PEG3: variants seen among roughly 807,000 people sequenced by gnomAD.
PEG3 encodes the protein paternally expressed 3.
A neutral mutation model predicts 35.5 loss-of-function variants in PEG3; 23 were observed. That is an observed-to-expected ratio of 0.65 (90% CI 0.47 to 0.92). The LOEUF is 0.92. Among genes scored for constraint, PEG3 ranks in the 40% least tolerant of loss-of-function variants. The pLI is 0.00. For missense variants in PEG3, 1,960 were observed against 1,985.3 expected (o/e 0.99, Z 0.24); for synonymous variants, 707 against 697.0 (o/e 1.01, Z -0.23).
intron 1 of PEG3, among the ~76,000 whole-genome samples, chr19:56,840,243 C>T: frequency 6.6e-6 from 1 of 152,206 alleles, no homozygotes; most frequent in East Asian, 1.9e-4. Flanking sequence ...CCCCGGTTTG[C>T]TGCGGTGGCC....
At chr19:56,838,596 G>T (rs1447378173) in intron 1 of PEG3, among the ~76,000 whole-genome samples, 1 of 152,176 alleles carries the variant, frequency 6.6e-6, no homozygotes. Flanking sequence ...CAGGGGAAGG[G>T]GTGAGCCTCT....
At chr19:56,825,715 T>A (rs1320249142) in intron 3 of PEG3, among the ~76,000 whole-genome samples, 1 of 152,168 alleles carries the variant, frequency 6.6e-6, no homozygotes, top group Non-Finnish European at 1.5e-5. Flanking sequence ...TCTGGGAGCA[T>A]AAACTACCTA....
chr19:56,814,308 G>A lies in PEG3; in HGVS notation c.4134C>T (p.Val1378=). ...TCCTCAGAACTACTTGTGGAACATG[G>A]ACATTGGCTTCAACTTCCTGGGCTG... ...AAAAQEVEAN[V]HVPQVVLRIQ... Residue 1378 remains valine (V), a synonymous_variant, in exon 10 of 10, where the codon GTC becomes GTT. Coordinates refer to ENST00000326441, the MANE Select transcript of PEG3 (RefSeq NM_006210.3). This position sits in a 1 kb window ranked among gnomAD's most constrained non-coding sequence, Gnocchi z 5.8. 6.2e-7 allele frequency: 1 copy of A among 1,614,076 alleles called. No homozygotes were observed. The highest frequency in any genetic ancestry group is 8.5e-7 in the Non-Finnish European group (1 of 1,180,036).
At chr19:56,833,288 ACCT>A (rs1430727665) in intron 2 of PEG3, 1 of 426,694 alleles carries the variant, frequency 2.3e-6, no homozygotes, top group Non-Finnish European at 4.7e-6. Flanking sequence ...CGTTCTACCT[ACCT>A]CATTAAAAGG....
At chr19:56,823,295 A>T (rs1348971755) in intron 5 of PEG3, among the ~76,000 whole-genome samples, 1 of 152,252 alleles carries the variant, frequency 6.6e-6, no homozygotes, top group Non-Finnish European at 1.5e-5. Context: ...AGCATCTTTA[A>T]TGAACCTTCC....
At position 56,814,442 on chromosome 19, in the gene PEG3, A is replaced by C. The variant is rs937324833; in HGVS notation, c.4000T>G (p.Cys1334Gly). The C allele has an allele frequency of 6.2e-7, 1 of 1,613,902 alleles. No homozygotes were observed. Among genetic ancestry groups the C allele is most frequent in the Admixed American group, 1.7e-5 (1 of 60,028 alleles). Reference sequence around the variant, plus strand: ...ATAAAGGACTTACCACAATCCTTGCATTCATAGAATGGTATAGCTCCTTTG... The same window carrying C: ...ATAAAGGACTTACCACAATCCTTGCCTTCATAGAATGGTATAGCTCCTTTG... ...PLKGAIPFYE[C>G]KDCGKSFIHS... The change falls in exon 10 of 10, where the codon TGC (cysteine) becomes GGC (glycine). Residue 1334 changes from cysteine (C) to glycine (G), a missense_variant. Cys to Gly is a radical substitution (Grantham distance 159, BLOSUM62 -3). Around this residue, in one of 5 missense-constraint regions of PEG3, gnomAD observed 416 missense variants for 416.7 expected, o/e 1.00. Coordinates refer to ENST00000326441, the MANE Select transcript of PEG3 (RefSeq NM_006210.3). The surrounding 1 kb of genome is among the most constrained non-coding windows in gnomAD (Gnocchi z 5.8).
intron 7 of PEG3, among the ~76,000 whole-genome samples, chr19:56,820,520 C>A (rs2060379127): frequency 6.6e-6 from 1 of 152,206 alleles, no homozygotes; most frequent in South Asian, 2.1e-4. Flanking sequence ...TATATCCCAG[C>A]CACCTGGCCC....
At position 56,816,095 on chromosome 19, in the gene PEG3, C is replaced by T; in HGVS notation, c.2347G>A (p.Ala783Thr). ...TGACTTTTCTGAGCTTCCACAGAGG[C>T]TAAGCTATGAATAACAGACCTCTCA... Reference protein sequence around the residue: ...SYERSVIHSLASVEAQKSHSV... With the variant: ...SYERSVIHSLTSVEAQKSHSV... Residue 783 changes from alanine to threonine, a missense_variant, in exon 10 of 10, where the codon GCC becomes ACC. Physicochemically the swap from Ala to Thr is moderately conservative, Grantham distance 58. Coordinates refer to ENST00000326441, the MANE Select transcript of PEG3 (RefSeq NM_006210.3). 1 of 1,609,120 alleles carries T rather than the reference C, an allele frequency of 6.2e-7. No individual in the cohort carries two copies. Among genetic ancestry groups the T allele is most frequent in the Non-Finnish European group, 8.5e-7 (1 of 1,177,092 alleles).
At chr19:56,822,883 C>T in intron 5 of PEG3, 47 bp from the exon 6 acceptor site, 16 of 1,585,374 alleles carry the variant, frequency 1.0e-5, no homozygotes, top group Non-Finnish European at 1.3e-5. Flanking sequence ...CTTTGACACA[C>T]CTGTTTTCCC....
Position 56,812,732 on chromosome 19 carries a change from A to G in PEG3, c.*943T>C, listed in dbSNP as rs535631582. 2.0e-6 allele frequency: 2 copies of G among 985,252 alleles called. No individual in the cohort carries two copies. Among genetic ancestry groups the G allele is most frequent in the African/African-American group, 3.5e-5 (2 of 57,280 alleles). 61.0% of individuals were successfully genotyped at this position (985,252 alleles called of 1,614,324 possible). On this transcript the variant is annotated 3_prime_UTR_variant, in exon 10 of 10. Coordinates refer to ENST00000326441, the MANE Select transcript of PEG3 (RefSeq NM_006210.3). Reference sequence around the variant, plus strand: ...TGTGATCTAGTGATGGTTGTAACCCATTCTTTAAAGGCAAAGATGTAAGAT... The same window carrying G: ...TGTGATCTAGTGATGGTTGTAACCCGTTCTTTAAAGGCAAAGATGTAAGAT...
chr19:56,821,895 G>T, intron 6 of PEG3, 141 bp from the exon 7 acceptor site: 2 of 871,914 alleles, frequency 2.3e-6, no homozygotes, highest in Non-Finnish European at 3.5e-6. Flanking sequence ...TTCTGTGGCA[G>T]CCTCTGAGGA....
In PEG3 at chr19:56,814,236, G is replaced by GGCAGCCTCCACTTCTGGCTCA; in HGVS notation, c.4185_4205dup (p.Glu1412_Pro1418dup). The GGCAGCCTCCACTTCTGGCTCA allele has an allele frequency of 6.2e-7, 1 of 1,611,334 alleles. No homozygotes were observed. Among genetic ancestry groups the GGCAGCCTCCACTTCTGGCTCA allele is most frequent in the Non-Finnish European group, 8.5e-7 (1 of 1,178,810 alleles). On this transcript the variant is annotated inframe_insertion, in exon 10 of 10. Coordinates refer to ENST00000326441, the MANE Select transcript of PEG3 (RefSeq NM_006210.3). The surrounding 1 kb of genome is among the most constrained non-coding windows in gnomAD (Gnocchi z 5.8). ...GCTCAGCAGCCTCCACTTCTGGCTCGGCAGCCTCCACTTCTGGCTCAGCAG... is the reference window on the plus strand; with the variant it reads ...GCTCAGCAGCCTCCACTTCTGGCTCGGCAGCCTCCACTTCTGGCTCAGCAGCCTCCACTTCTGGCTCAGCAG...
At position 56,816,671 on chromosome 19, in the gene PEG3, C is replaced by G; in HGVS notation, c.1771G>C (p.Asp591His). Reference protein sequence around the residue: ...HQKIHFGDDKDNEREHERERE... With the variant: ...HQKIHFGDDKHNEREHERERE... ...TCACGTTCATGTTCACGCTCATTAT[C>G]TTTGTCATCCCCAAAGTGGATTTTC... Residue 591 changes from aspartate (D) to histidine (H), a missense_variant, in exon 10 of 10, where the codon GAT becomes CAT. Coordinates refer to ENST00000326441, the MANE Select transcript of PEG3 (RefSeq NM_006210.3). 1.9e-6 allele frequency: 3 copies of G among 1,614,104 alleles called. No individual in the cohort carries two copies. The highest frequency in any genetic ancestry group is 2.5e-6 in the Non-Finnish European group (3 of 1,179,956).
At position 56,815,389 on chromosome 19, in the gene PEG3, CTTGT is replaced by C. The variant is rs781199992; in HGVS notation, c.3049_3052del (p.Thr1017ValfsTer127). ...TTTAGCATACTGCTCTTGGGCGTAA[CTTGT>C]TTGAGGGTCAGTAGGGGCCAAGCTG... On this transcript the variant is annotated frameshift_variant, in exon 10 of 10. Transcript: ENST00000326441. LOFTEE classifies it low-confidence loss of function (END_TRUNC). 5 of 1,614,070 alleles carry C rather than the reference CTTGT, an allele frequency of 3.1e-6. No individual in the cohort carries two copies.
In PEG3 at chr19:56,818,587, A is replaced by G; in HGVS notation, c.772+13T>C. 2 of 1,613,988 alleles carry G rather than the reference A, an allele frequency of 1.2e-6. No homozygotes were observed. Among genetic ancestry groups the G allele is most frequent in the East Asian group, 2.2e-5 (1 of 44,888 alleles). The stretch of plus-strand genomic sequence containing the variant: ...GACTGGACTGGGAGTGACTGAGAGA[A>G]GCAGCTGCTTACCGAGGGAGAGCAG... On this transcript the variant is annotated intron_variant, in intron 8 of 9. Transcript: ENST00000326441.
At chr19:56,837,271 GCC>G (rs2062252371) in intron 1 of PEG3, among the ~76,000 whole-genome samples, 1 of 151,980 alleles carries the variant, frequency 6.6e-6, no homozygotes, top group Non-Finnish European at 1.5e-5. Flanking sequence ...ACCCCCACCT[GCC>G]CAGGGCAGCC....
rs572444111 is a variant in PEG3, at chr19:56,814,359, A to ATCT, written c.4080_4082dup (p.Glu1360dup). 7.6e-3 allele frequency: 12,330 copies of ATCT among 1,613,160 alleles called. 53 individuals are homozygous for ATCT. The highest frequency in any genetic ancestry group is 8.6e-3 in the Non-Finnish European group (10,103 of 1,179,254). ...CTGCTGCTGCAGCTGCTGCTGCTTC[A>ATCT]TCTTCTTCTTCTTCTTCCAGATGAA... is the stretch of plus-strand genomic sequence containing the variant. On this transcript the variant is annotated inframe_insertion, in exon 10 of 10. Coordinates refer to ENST00000326441, the MANE Select transcript of PEG3 (RefSeq NM_006210.3). This position sits in a 1 kb window ranked among gnomAD's most constrained non-coding sequence, Gnocchi z 5.8.
chr19:56,829,642 T>G (rs1284207341), intron 2 of PEG3, among the ~76,000 whole-genome samples: 1 of 152,202 alleles, frequency 6.6e-6, no homozygotes, highest in African/African-American at 2.4e-5. Context: ...GTGGGCCATA[T>G]GCAATGAGGT....
At chr19:56,829,209 G>A (rs1306909336) in intron 2 of PEG3, among the ~76,000 whole-genome samples, 1 of 151,928 alleles carries the variant, frequency 6.6e-6, no homozygotes, top group Non-Finnish European at 1.5e-5. Context: ...AAATTAGCTG[G>A]GCGTGGTGGC....
Sources: allele counts gnomAD v4.1 joint callset (sites outside exome capture counted in the v4.1 genomes callset), GRCh38; gene constraint gnomAD v4.1.1; regional missense constraint gnomAD v4.1.1; non-coding constraint Gnocchi (gnomAD v3.1); transcripts MANE v1.5; gene names NCBI Gene and HGNC (gene_info 2026-07-23, HGNC 2026-07-21).